PKIG: variants seen among roughly 807,000 people sequenced by gnomAD.
PKIG encodes cAMP-dependent protein kinase inhibitor gamma, also known as protein kinase (cAMP-dependent, catalytic) inhibitor gamma.
A neutral mutation model predicts 6.8 loss-of-function variants in PKIG; 1 was observed. The observed-to-expected ratio is 0.15, with a 90% CI of 0.05 to 0.69. PKIG has a LOEUF of 0.69. Among genes scored for constraint, PKIG ranks in the 30% least tolerant of loss-of-function variants. The probability of loss-of-function intolerance (pLI) is 0.82; values close to 1 mark genes in which losing one functional copy is unlikely to be tolerated. For missense variants in PKIG, 77 were observed against 104.0 expected (o/e 0.74, Z 1.13); for synonymous variants, 39 against 43.0 (o/e 0.91, Z 0.36).
At chr20:44,576,277 C>A (rs1450323727) in intron 1 of PKIG, among the ~76,000 whole-genome samples, 1 of 151,138 alleles carries the variant, frequency 6.6e-6, no homozygotes, top group Non-Finnish European at 1.5e-5. Flanking sequence ...ATTCAGTGAA[C>A]CAAGGAGACA....
chr20:44,597,318 A>G (rs767152478), intron 2 of PKIG, among the ~76,000 whole-genome samples: 5 of 135,960 alleles, frequency 3.7e-5, no homozygotes, highest in Non-Finnish European at 6.0e-5. Flanking sequence ...TGATTCTGTT[A>G]ATTGTGATTT....
At chr20:44,576,158 A>AGTGTGTGT (rs3221821) in intron 1 of PKIG, among the ~76,000 whole-genome samples, 2,639 of 140,548 alleles carry the variant, frequency 0.019, 61 homozygotes, top group African/African-American at 0.049. Flanking sequence ...GACTAAGTAG[A>AGTGTGTGT]GTGTGTGTGT....
intron 2 of PKIG, among the ~76,000 whole-genome samples, chr20:44,594,920 GC>G (rs1477273821): frequency 2.6e-5 from 4 of 152,342 alleles, no homozygotes; most frequent in African/African-American, 7.2e-5. Context: ...AGGCTTCAGG[GC>G]CTTGCCATAG....
At chr20:44,545,672 A>T (rs142593302) in intron 1 of PKIG, among the ~76,000 whole-genome samples, 1 of 152,114 alleles carries the variant, frequency 6.6e-6, no homozygotes, top group East Asian at 1.9e-4. Flanking sequence ...AAAATTAGCC[A>T]GATGTGGTGG....
intron 1 of PKIG, among the ~76,000 whole-genome samples, chr20:44,550,923 C>G (rs780070463): frequency 6.6e-6 from 1 of 152,110 alleles, no homozygotes; most frequent in African/African-American, 2.4e-5. Context: ...GCACCTGTAT[C>G]AAAAACCTAG....
chr20:44,596,278 G>A (rs2065074490), intron 2 of PKIG, among the ~76,000 whole-genome samples: 1 of 152,258 alleles, frequency 6.6e-6, no homozygotes, highest in African/African-American at 2.4e-5. Flanking sequence ...AGAAGTCAAG[G>A]TGCTGCAGGT....
At chr20:44,541,120 G>A (rs538116372) in intron 1 of PKIG, among the ~76,000 whole-genome samples, 3 of 152,326 alleles carry the variant, frequency 2.0e-5, no homozygotes, top group African/African-American at 7.2e-5. Flanking sequence ...GGTAGCAAGA[G>A]TAGCCCTCAT....
At chr20:44,616,808 C>T (rs1051611977) in intron 3 of PKIG, among the ~76,000 whole-genome samples, 3 of 152,186 alleles carry the variant, frequency 2.0e-5, no homozygotes, top group Non-Finnish European at 2.9e-5. Flanking sequence ...CTCCCCAAGG[C>T]AGGGGGAGTA....
chr20:44,531,950 C>T (rs1394135020), exon 1 of PKIG: 1 of 152,312 alleles, frequency 6.6e-6, no homozygotes, highest in African/African-American at 2.4e-5. Context: ...GACCGGCGGC[C>T]CAGGCACGGA....
At chr20:44,598,160 A>G (rs1232920543) in intron 2 of PKIG, among the ~76,000 whole-genome samples, 5 of 152,030 alleles carry the variant, frequency 3.3e-5, no homozygotes, top group Non-Finnish European at 5.9e-5. Context: ...CCCTGTGGTT[A>G]CTTCATAGGG....
In PKIG at chr20:44,561,754, C is replaced by T. The variant is rs201411425; in HGVS notation, c.-240-20831C>T. On this transcript the variant is annotated intron_variant, in intron 1 of 4. Coordinates refer to the PKIG transcript ENST00000372887. ...CACCTCAGGTAAATAGGTGGGACTG[C>T]GCCCAGCTTTAATATACATTTAATT... Among the ~76,000 whole-genome samples the T allele has an allele frequency of 8.5e-5, 13 of 152,138 alleles. No individual in the cohort carries two copies. The East Asian group carries it at 1.9e-3, about 23-fold the overall frequency.
intron 2 of PKIG, among the ~76,000 whole-genome samples, chr20:44,592,007 A>ACCGAAGGC (rs2123390292): frequency 6.6e-6 from 1 of 152,272 alleles, no homozygotes; most frequent in African/African-American, 2.4e-5. Flanking sequence ...GCAAACACTG[A>ACCGAAGGC]CCGAAGGCCA....
At chr20:44,569,157 G>A (rs73615485) in intron 1 of PKIG, among the ~76,000 whole-genome samples, 1,767 of 152,178 alleles carry the variant, frequency 0.012, 18 homozygotes, top group East Asian at 0.064. Context: ...ATGTTGTACC[G>A]TTTTCCATTT....
At chr20:44,615,675 C>A in intron 3 of PKIG, among the ~76,000 whole-genome samples, 1 of 152,182 alleles carries the variant, frequency 6.6e-6, no homozygotes, top group Non-Finnish European at 1.5e-5. Context: ...AGCCATCAGG[C>A]TGCAACTGTC....
rs75295108 is a variant in PKIG, at chr20:44,566,200, T to C, written c.-240-16385T>C. Among the ~76,000 whole-genome samples the C allele has an allele frequency of 0.019, 2,862 of 152,344 alleles. 137 individuals are homozygous for C. The East Asian group carries it at 0.2, about 11-fold the overall frequency. On this transcript the variant is annotated intron_variant, in intron 1 of 4. Transcript: ENST00000372887. ...ACTTGTTTTTGTAAATAATTAGTTT[T>C]ATTGGAATACAGCTATGTTCATTTT...
At chr20:44,548,688 CTAAT>C (rs761071245) in intron 1 of PKIG, among the ~76,000 whole-genome samples, 2 of 152,116 alleles carry the variant, frequency 1.3e-5, no homozygotes, top group Non-Finnish European at 2.9e-5. Context: ...TGCTCAACTC[CTAAT>C]TAAAGATAGC....
intron 2 of PKIG, among the ~76,000 whole-genome samples, chr20:44,607,377 A>ATTTTTTT (rs59226646): frequency 1.1e-5 from 1 of 94,256 alleles, no homozygotes; most frequent in African/African-American, 4.7e-5. Flanking sequence ...ATATATATAT[A>ATTTTTTT]TTTTTTTTTT....
In PKIG at chr20:44,542,812, C is replaced by T. The variant is rs144727649; in HGVS notation, c.-241+10834C>T. Among the ~76,000 whole-genome samples the T allele has an allele frequency of 8.8e-3, 1,344 of 152,244 alleles. 7 individuals are homozygous for T. The highest frequency in any genetic ancestry group is 0.013 in the Admixed American group (201 of 15,288). On this transcript the variant is annotated intron_variant, in intron 1 of 4. Coordinates refer to the PKIG transcript ENST00000372887. Reference sequence around the variant, plus strand: ...TTCACCACGTTGGCCAGACTGGTCTCGAACTCCTGACCTCAAGTGATAGGC... The same window carrying T: ...TTCACCACGTTGGCCAGACTGGTCTTGAACTCCTGACCTCAAGTGATAGGC...
chr20:44,582,370 A>G (rs772456841), upstream of PKIG, among the ~76,000 whole-genome samples: 1 of 152,146 alleles, frequency 6.6e-6, no homozygotes, highest in Admixed American at 6.6e-5. Flanking sequence ...AAGGAAGGAT[A>G]TTAGGCAAGC....
Sources: gnomAD v4.1 joint callset for allele counts (sites outside exome capture counted in the v4.1 genomes callset) on GRCh38, gnomAD v4.1.1 for gene constraint, MANE v1.5 for transcripts, NCBI Gene and HGNC (gene_info 2026-07-23, HGNC 2026-07-21) for gene names.